Variants in FBXL17 observed in about 807,000 individuals in gnomAD.
FBXL17 encodes F-box/LRR-repeat protein 17.
Under a neutral mutation model 66.2 loss-of-function variants are expected in FBXL17, and 22 were observed. The observed-to-expected ratio is 0.33, with a 90% CI of 0.24 to 0.47. The LOEUF is 0.47. Ranked by LOEUF, FBXL17 falls within the 20% of genes least tolerant of loss-of-function variation. The pLI is 1.00. For missense variants in FBXL17, 878 were observed against 948.2 expected, an observed-to-expected ratio of 0.93 and a Z score of 0.97; for synonymous variants, 474 against 400.5, an observed-to-expected ratio of 1.18 and a Z score of -2.19.
chr5:107,948,377 T>G (rs1303700117), intron 7 of FBXL17, among the ~76,000 whole-genome samples: 1 of 152,228 alleles, frequency 6.6e-6, no homozygotes, highest in Non-Finnish European at 1.5e-5. Context: ...GGAGTCACCC[T>G]GGACTCCTTC....
chr5:108,183,695 G>A (rs1441002034), intron 6 of FBXL17, among the ~76,000 whole-genome samples: 1 of 152,050 alleles, frequency 6.6e-6, no homozygotes, highest in Non-Finnish European at 1.5e-5. Flanking sequence ...TACCCCATAG[G>A]CAGTTTTTAT....
intron 4 of FBXL17, among the ~76,000 whole-genome samples, chr5:108,301,456 T>A (rs1758584824): frequency 6.6e-6 from 1 of 151,826 alleles, no homozygotes; most frequent in Admixed American, 6.6e-5. Context: ...GCAAGATTCT[T>A]ACATCTTTCT....
At chr5:108,057,733 T>C (rs1747763864) in intron 6 of FBXL17, among the ~76,000 whole-genome samples, 1 of 152,228 alleles carries the variant, frequency 6.6e-6, no homozygotes, top group African/African-American at 2.4e-5. Context: ...TAAGGGATTT[T>C]GTTCAAATAG....
At position 107,901,858 on chromosome 5, in the gene FBXL17, G is replaced by A. The variant is rs147074511; in HGVS notation, c.1823-20679C>T. ...CACTGGGAATACTGAAATGCCCTCC[G>A]TGAAAGTGGGGGCTGTGGTAAACTG... On this transcript the variant is annotated intron_variant, in intron 7 of 8. Coordinates refer to ENST00000542267, the MANE Select transcript of FBXL17 (RefSeq NM_001163315.3). Among the ~76,000 whole-genome samples, 353 of 152,318 alleles carry A rather than the reference G, an allele frequency of 2.3e-3. 2 individuals carry two copies. Among genetic ancestry groups the A allele is most frequent in the African/African-American group, 7.7e-3 (322 of 41,578 alleles).
chr5:108,332,249 T>G (rs1760157336), intron 4 of FBXL17, among the ~76,000 whole-genome samples: 1 of 152,150 alleles, frequency 6.6e-6, no homozygotes. Flanking sequence ...AAAAGCTTTT[T>G]GATAAATTAA....
chr5:107,919,867 T>C (rs941448156), intron 7 of FBXL17, among the ~76,000 whole-genome samples: 1 of 152,214 alleles, frequency 6.6e-6, no homozygotes, highest in African/African-American at 2.4e-5. Context: ...GACACTAGAA[T>C]GCAAGTCCCA....
chr5:108,359,408 T>C (rs1377708445), intron 3 of FBXL17, among the ~76,000 whole-genome samples: 1 of 152,140 alleles, frequency 6.6e-6, no homozygotes, highest in African/African-American at 2.4e-5. Context: ...CTTTCAGATC[T>C]TCTTTTTTAA....
chr5:108,078,545 G>A (rs1482654758), intron 6 of FBXL17, among the ~76,000 whole-genome samples: 1 of 152,226 alleles, frequency 6.6e-6, no homozygotes, highest in Non-Finnish European at 1.5e-5. Flanking sequence ...ATTGATGCCA[G>A]CGGGCCTTCT....
At chr5:108,141,193 T>G (rs1297583944) in intron 6 of FBXL17, among the ~76,000 whole-genome samples, 3 of 152,182 alleles carry the variant, frequency 2.0e-5, no homozygotes, top group Non-Finnish European at 4.4e-5. Context: ...CAGGATGGAT[T>G]ATCTACCTGG....
intron 7 of FBXL17, among the ~76,000 whole-genome samples, chr5:108,008,001 A>T (rs185020462): frequency 2.4e-3 from 363 of 152,326 alleles, no homozygotes; most frequent in African/African-American, 8.2e-3. Context: ...GTAGCCCCAA[A>T]ATATTGTGGA....
chr5:108,158,300 T>C (rs1257230634), intron 6 of FBXL17, among the ~76,000 whole-genome samples: 1 of 152,116 alleles, frequency 6.6e-6, no homozygotes, highest in Non-Finnish European at 1.5e-5. Context: ...ACTGAACCAA[T>C]ATAATTCACA....
intron 8 of FBXL17, among the ~76,000 whole-genome samples, chr5:107,862,996 A>C (rs1748170856): frequency 6.6e-6 from 1 of 151,452 alleles, no homozygotes; most frequent in Non-Finnish European, 1.5e-5. Context: ...GATGATACTA[A>C]ATCTTTGCCA....
chr5:108,058,519 C>G (rs951950301), intron 6 of FBXL17, among the ~76,000 whole-genome samples: 2 of 151,140 alleles, frequency 1.3e-5, no homozygotes, highest in Admixed American at 1.3e-4. Flanking sequence ...GAGTCTTGCT[C>G]TGTCACCCAG....
At chr5:108,204,385 T>C (rs1412978868) in intron 5 of FBXL17, among the ~76,000 whole-genome samples, 1 of 151,916 alleles carries the variant, frequency 6.6e-6, no homozygotes, top group Non-Finnish European at 1.5e-5. Flanking sequence ...TCTTACTATA[T>C]TAATAGCCCA....
intron 7 of FBXL17, among the ~76,000 whole-genome samples, chr5:107,955,710 A>ACCTATTTTT (rs1184444836): frequency 6.6e-6 from 1 of 152,166 alleles, no homozygotes; most frequent in Non-Finnish European, 1.5e-5. Context: ...GTGTTGCTAC[A>ACCTATTTTT]CCTATTTTTC....
At chr5:107,892,208 A>C (rs1178861914) in intron 7 of FBXL17, among the ~76,000 whole-genome samples, 2 of 152,180 alleles carry the variant, frequency 1.3e-5, no homozygotes, top group Non-Finnish European at 2.9e-5. Context: ...ATAAAATTGA[A>C]AAATCATAAC....
intron 5 of FBXL17, among the ~76,000 whole-genome samples, chr5:108,190,828 T>C (rs544474761): frequency 1.3e-5 from 2 of 152,300 alleles, no homozygotes; most frequent in East Asian, 3.9e-4. Context: ...GCTAGCTTTC[T>C]TTATAGGGCG....
Position 108,175,333 on chromosome 5 carries a change from A to T in FBXL17, c.1745+10784T>A, listed in dbSNP as rs541973707. 3.9e-5 allele frequency among the ~76,000 whole-genome samples: 6 copies of T among 152,266 alleles called. No homozygotes were observed. In the South Asian group the frequency reaches 1.2e-3, roughly 32 times the overall value. The stretch of plus-strand genomic sequence containing the variant: ...AAACGTCACACATCCGCACAATAAT[A>T]TATGCCACCAGCAGAGCCATGCGCT... On this transcript the variant is annotated intron_variant, in intron 6 of 8. Transcript: ENST00000542267.
chr5:108,169,071 A>G (rs776077661), intron 6 of FBXL17, among the ~76,000 whole-genome samples: 3 of 152,150 alleles, frequency 2.0e-5, no homozygotes, highest in Non-Finnish European at 4.4e-5. Flanking sequence ...GGATGTCTAA[A>G]TGCCTGTCAG....
Sources: allele counts gnomAD v4.1 joint callset (sites outside exome capture counted in the v4.1 genomes callset), GRCh38; gene constraint gnomAD v4.1.1; transcripts MANE v1.5; gene names NCBI Gene and HGNC (gene_info 2026-07-23, HGNC 2026-07-21).